POM121: variants seen among roughly 807,000 people sequenced by gnomAD.
The protein encoded by POM121 is POM121 transmembrane nucleoporin, also known as nuclear envelope pore membrane protein POM 121.
A neutral mutation model predicts 81.3 loss-of-function variants in POM121; 32 were observed. That is an observed-to-expected ratio of 0.39 (90% confidence interval 0.30 to 0.53). The LOEUF (loss-of-function observed/expected upper bound fraction) is 0.53. Among genes scored for constraint, POM121 ranks in the 20% least tolerant of loss-of-function variants. POM121 has a pLI of 0.66. For synonymous variants in POM121, 514 were observed against 694.2 expected (o/e 0.74, Z 4.08); for missense variants, 1,138 against 1,614.6 (o/e 0.70, Z 5.06).
Position 72,938,780 on chromosome 7 carries a change from G to T in POM121, c.1367+99G>T. On this transcript the variant is annotated intron_variant, in intron 6 of 12. Transcript: ENST00000434423. ...TGGCTCTTAGGCTTTGTGCTGCTGT[G>T]ACTTGGAGAATCAAAGAAACTTAAG... is the stretch of plus-strand genomic sequence containing the variant. The T allele has an allele frequency of 8.0e-6, 11 of 1,373,958 alleles. 1 individual carries two copies. Among genetic ancestry groups the T allele is most frequent in the Non-Finnish European group, 1.1e-5 (11 of 964,058 alleles). The allele number at this position is 1,373,958 out of a possible 1,614,324, so 85.1% of individuals were successfully genotyped here.
At chr7:72,922,861 G>A (rs1794943897), upstream of POM121, among the ~76,000 whole-genome samples, 2 of 152,028 alleles carry the variant, frequency 1.3e-5, no homozygotes, top group Non-Finnish European at 2.9e-5. Flanking sequence ...CAGGACATCT[G>A]TACCCTGACG....
At chr7:72,915,705 CT>C (rs1367684021) in intron 4 of POM121, among the ~76,000 whole-genome samples, 1 of 152,102 alleles carries the variant, frequency 6.6e-6, no homozygotes, top group Admixed American at 6.6e-5. Flanking sequence ...CAGAGTCTCA[CT>C]GTGTTGCCCA....
chr7:72,893,830 C>A (rs551815115), intron 3 of POM121, among the ~76,000 whole-genome samples: 1 of 152,262 alleles, frequency 6.6e-6, no homozygotes, highest in Non-Finnish European at 1.5e-5. Context: ...CCCAGGATCC[C>A]ACTCCTTCGA....
chr7:72,939,242 A>T (rs1170545562), intron 6 of POM121, 94 bp from the exon 7 acceptor site: 1 of 1,505,310 alleles, frequency 6.6e-7, no homozygotes, highest in Non-Finnish European at 9.0e-7. Context: ...TGTTTTAGAC[A>T]TTGGCCACTT....
chr7:72,899,130 T>C (rs1260419273), intron 3 of POM121, among the ~76,000 whole-genome samples: 5 of 152,012 alleles, frequency 3.3e-5, no homozygotes, highest in South Asian at 2.1e-4. Context: ...TTATAGGCAC[T>C]GACCACTACA....
chr7:72,901,218 C>CTT (rs781884870), intron 3 of POM121, among the ~76,000 whole-genome samples: 1 of 139,194 alleles, frequency 7.2e-6, no homozygotes, highest in Non-Finnish European at 1.6e-5. Flanking sequence ...TTCTTTTTTT[C>CTT]TTTTTTTTTT....
intron 1 of POM121, among the ~76,000 whole-genome samples, chr7:72,881,581 C>T (rs1554489307): frequency 6.6e-6 from 1 of 151,374 alleles, no homozygotes; most frequent in Non-Finnish European, 1.5e-5. Context: ...GTATATGTTC[C>T]TCAATTTTAT....
chr7:72,949,517 G>A, downstream of POM121: 1 of 1,169,600 alleles, frequency 8.5e-7, no homozygotes, highest in Non-Finnish European at 1.3e-6. Context: ...GAGCAGGGGT[G>A]AGCTGAGCAT....
chr7:72,893,474 C>G (rs1488569800), intron 3 of POM121, among the ~76,000 whole-genome samples: 1 of 152,022 alleles, frequency 6.6e-6, no homozygotes, highest in African/African-American at 2.4e-5. Flanking sequence ...GTCCCAGCTA[C>G]TTGGGAGGCT....
chr7:72,886,420 T>C (rs1197561089), intron 1 of POM121, among the ~76,000 whole-genome samples: 1 of 152,210 alleles, frequency 6.6e-6, no homozygotes, highest in African/African-American at 2.4e-5. Context: ...GTCACCCATC[T>C]GCCTCAGCCG....
intron 7 of POM121, 83 bp from the exon 8 acceptor site, chr7:72,939,764 A>T: frequency 6.2e-7 from 1 of 1,610,526 alleles, no homozygotes; most frequent in Non-Finnish European, 8.5e-7. Context: ...TGAAAACTCA[A>T]TGTGAAATGC....
chr7:72,902,327 A>C (rs1300444894), intron 3 of POM121, among the ~76,000 whole-genome samples: 1 of 131,396 alleles, frequency 7.6e-6, no homozygotes, highest in Non-Finnish European at 1.5e-5. Context: ...CAATGGTGCG[A>C]TCTTGGCTCA....
intron 5 of POM121, among the ~76,000 whole-genome samples, chr7:72,931,566 C>T (rs558030785): frequency 2.6e-5 from 4 of 151,096 alleles, no homozygotes; most frequent in East Asian, 3.9e-4. Flanking sequence ...CCTAGTAACA[C>T]GCAATTTCTT....
At chr7:72,930,659 G>A (rs1163971781) in intron 5 of POM121, among the ~76,000 whole-genome samples, 1 of 152,204 alleles carries the variant, frequency 6.6e-6, no homozygotes, top group Non-Finnish European at 1.5e-5. Context: ...ATAGTATAGG[G>A]AACAGGGCAG....
upstream of POM121, among the ~76,000 whole-genome samples, chr7:72,923,554 C>G (rs185547114): frequency 2.0e-3 from 307 of 150,608 alleles, 1 homozygote; most frequent in African/African-American, 7.2e-3. Flanking sequence ...TCCCGAGTAG[C>G]TGGGACTACA....
At chr7:72,924,049 C>G (rs1465284258), upstream of POM121, among the ~76,000 whole-genome samples, 1 of 151,782 alleles carries the variant, frequency 6.6e-6, no homozygotes, top group East Asian at 1.9e-4. Flanking sequence ...GAGTTCACGC[C>G]ATTCTCCTGC....
chr7:72,927,028 C>T, intron 3 of POM121, 65 bp downstream of exon 3: 2 of 1,609,960 alleles, frequency 1.2e-6, no homozygotes, highest in Admixed American at 1.7e-5. Flanking sequence ...GAGATGTAGA[C>T]ATTCCCATAT....
chr7:72,934,866 G>T (rs1796365168), intron 5 of POM121, among the ~76,000 whole-genome samples: 1 of 151,966 alleles, frequency 6.6e-6, no homozygotes, highest in African/African-American at 2.4e-5. Flanking sequence ...ACTCTGTTTT[G>T]TTCCATTGGT....
chr7:72,886,812 C>T (rs1449651195), intron 1 of POM121, among the ~76,000 whole-genome samples: 7 of 150,258 alleles, frequency 4.7e-5, no homozygotes, highest in African/African-American at 1.5e-4. Context: ...TTTTTTCTTC[C>T]CCCCTTATTG....
Sources: gnomAD v4.1 joint callset for allele counts (sites outside exome capture counted in the v4.1 genomes callset) on GRCh38, gnomAD v4.1.1 for gene constraint, MANE v1.5 for transcripts, NCBI Gene and HGNC (gene_info 2026-07-23, HGNC 2026-07-21) for gene names.